CRADD: variants seen among roughly 807,000 people sequenced by gnomAD.
The protein encoded by CRADD is CARD and death domain containing adaptor protein.
A neutral mutation model predicts 15.5 loss-of-function variants in CRADD; 9 were observed. That is an observed-to-expected ratio of 0.58 (90% CI 0.35 to 1.01). The LOEUF is 1.01. CRADD is among the 50% of genes least tolerant of loss of function. The probability of loss-of-function intolerance (pLI) is 0.02; values close to 1 mark genes in which losing one functional copy is unlikely to be tolerated. For synonymous variants in CRADD, 118 were observed against 107.6 expected, an observed-to-expected ratio of 1.10 and a Z score of -0.60; for missense variants, 227 against 250.3, an observed-to-expected ratio of 0.91 and a Z score of 0.63.
At chr12:93,813,632 A>T (rs1957653804) in intron 2 of CRADD, among the ~76,000 whole-genome samples, 1 of 152,088 alleles carries the variant, frequency 6.6e-6, no homozygotes, top group Non-Finnish European at 1.5e-5. Flanking sequence ...CAGAGTGTGT[A>T]TGACAAATTA....
intron 2 of CRADD, among the ~76,000 whole-genome samples, chr12:93,734,723 A>T (rs1241906149): frequency 6.6e-6 from 1 of 152,064 alleles, no homozygotes; most frequent in East Asian, 1.9e-4. Context: ...TGCAAATGCT[A>T]GCCTTCTTTC....
downstream of CRADD, among the ~76,000 whole-genome samples, chr12:93,853,589 G>A (rs1958246379): frequency 6.6e-6 from 1 of 152,150 alleles, no homozygotes; most frequent in African/African-American, 2.4e-5. Context: ...GCTGTTTACG[G>A]CTCCCCTCTA....
intron 2 of CRADD, among the ~76,000 whole-genome samples, chr12:93,865,032 C>T (rs1480659557): frequency 6.6e-6 from 1 of 152,216 alleles, no homozygotes; most frequent in Non-Finnish European, 1.5e-5. Flanking sequence ...CTCAGGTTTG[C>T]AATGTTTGCT....
chr12:93,698,338 T>G (rs550166495), intron 2 of CRADD, among the ~76,000 whole-genome samples: 67 of 152,288 alleles, frequency 4.4e-4, no homozygotes, highest in African/African-American at 1.5e-3. Context: ...AGGAGAAAAT[T>G]TAGAAGATTA....
At chr12:93,846,539 AAAG>A (rs920902426) in intron 2 of CRADD, 1 of 151,958 alleles carries the variant, frequency 6.6e-6, no homozygotes, top group African/African-American at 2.4e-5. Context: ...AGAGCCAAGA[AAAG>A]AAATAAAGAA....
At chr12:93,855,763 G>T (rs1958268241) in intron 2 of CRADD, among the ~76,000 whole-genome samples, 1 of 152,226 alleles carries the variant, frequency 6.6e-6, no homozygotes. Flanking sequence ...ACAGTGCCTG[G>T]CAAAGATGTT....
At chr12:93,808,891 A>T (rs1957583640) in intron 2 of CRADD, among the ~76,000 whole-genome samples, 1 of 151,540 alleles carries the variant, frequency 6.6e-6, no homozygotes, top group Non-Finnish European at 1.5e-5. Context: ...TTTTTATTAT[A>T]AACATTTTTG....
chr12:93,725,980 C>G (rs1431208470), intron 2 of CRADD, among the ~76,000 whole-genome samples: 1 of 151,798 alleles, frequency 6.6e-6, no homozygotes, highest in African/African-American at 2.4e-5. Flanking sequence ...CCAGGGCTGA[C>G]TTCAAGACCT....
intron 2 of CRADD, among the ~76,000 whole-genome samples, chr12:93,796,762 C>A (rs542960160): frequency 6.6e-6 from 1 of 152,222 alleles, no homozygotes; most frequent in South Asian, 2.1e-4. Flanking sequence ...TTCTAAGACC[C>A]CATGGTTAAT....
intron 2 of CRADD, among the ~76,000 whole-genome samples, chr12:93,834,066 T>A (rs1442982016): frequency 6.6e-6 from 1 of 152,102 alleles, no homozygotes; most frequent in East Asian, 1.9e-4. Context: ...CATGTTAATG[T>A]GGTGGGCGCA....
At chr12:93,745,324 GA>G (rs886816890) in intron 2 of CRADD, among the ~76,000 whole-genome samples, 5 of 151,880 alleles carry the variant, frequency 3.3e-5, no homozygotes, top group African/African-American at 4.8e-5. Context: ...GAAATTACTG[GA>G]AAAAAAATAA....
chr12:93,712,153 T>C (rs752489492), intron 2 of CRADD, among the ~76,000 whole-genome samples: 44 of 152,146 alleles, frequency 2.9e-4, no homozygotes, highest in Non-Finnish European at 6.0e-4. Context: ...TATTTTCTCA[T>C]GTATAAAGGT....
At chr12:93,678,491 T>C (rs1002271021) in intron 1 of CRADD, among the ~76,000 whole-genome samples, 6 of 152,208 alleles carry the variant, frequency 3.9e-5, no homozygotes, top group African/African-American at 9.6e-5. Flanking sequence ...TTTTTTTCTT[T>C]TTCCAAATTT....
intron 2 of CRADD, among the ~76,000 whole-genome samples, chr12:93,862,133 A>G (rs1299459549): frequency 6.6e-6 from 1 of 152,210 alleles, no homozygotes; most frequent in African/African-American, 2.4e-5. Context: ...CTGTGAGTAC[A>G]TTAAACCTCT....
At chr12:93,818,074 G>C (rs1048215690) in intron 2 of CRADD, among the ~76,000 whole-genome samples, 1 of 152,178 alleles carries the variant, frequency 6.6e-6, no homozygotes, top group Admixed American at 6.5e-5. Context: ...AGAGATAGGA[G>C]AAACAGATTC....
chr12:93,834,511 G>A (rs979841101), intron 2 of CRADD, among the ~76,000 whole-genome samples: 10 of 151,768 alleles, frequency 6.6e-5, no homozygotes, highest in Non-Finnish European at 1.2e-4. Flanking sequence ...TTTTTGAGAC[G>A]GAGTTTCGCT....
intron 2 of CRADD, among the ~76,000 whole-genome samples, chr12:93,723,652 A>G (rs1254274127): frequency 6.6e-6 from 1 of 152,124 alleles, no homozygotes. Flanking sequence ...CTCTTTCTCT[A>G]TTGCAAAAAC....
At chr12:93,706,002 T>G (rs935061938) in intron 2 of CRADD, among the ~76,000 whole-genome samples, 1 of 152,228 alleles carries the variant, frequency 6.6e-6, no homozygotes, top group African/African-American at 2.4e-5. Context: ...TCATTAAATA[T>G]TCTCATCAGA....
chr12:93,851,145 A>C (rs1392553503), downstream of CRADD, among the ~76,000 whole-genome samples: 1 of 152,198 alleles, frequency 6.6e-6, no homozygotes. Context: ...TTTTATCAAT[A>C]GCACATGGTG....
Sources: allele counts gnomAD v4.1 joint callset (sites outside exome capture counted in the v4.1 genomes callset), GRCh38; gene constraint gnomAD v4.1.1; transcripts MANE v1.5; gene names NCBI Gene and HGNC (gene_info 2026-07-23, HGNC 2026-07-21).